Variants in SAMD3 observed in about 807,000 individuals in gnomAD.
SAMD3 encodes the protein sterile alpha motif domain-containing protein 3.
Under a neutral mutation model 58.5 loss-of-function variants are expected in SAMD3, and 63 were observed. The ratio of observed to expected loss-of-function variants is 1.08; its 90% CI spans 0.88 to 1.33. The LOEUF (loss-of-function observed/expected upper bound fraction) is 1.33. SAMD3 is among the 40% of genes most tolerant of loss of function. The pLI, the probability that SAMD3 is intolerant of heterozygous loss-of-function variation, is 0.00. For missense variants in SAMD3, 604 were observed against 608.4 expected (o/e 0.99, Z 0.08); for synonymous variants, 220 against 210.3 (o/e 1.05, Z -0.40).
chr6:130,312,453 C>T, intron 2 of SAMD3, among the ~76,000 whole-genome samples: 1 of 152,304 alleles, frequency 6.6e-6, no homozygotes, highest in East Asian at 1.9e-4. Flanking sequence ...TTAGAGTCCT[C>T]CTCAGCCAGA....
At chr6:130,152,065 C>T (rs565205852) in intron 9 of SAMD3, among the ~76,000 whole-genome samples, 23 of 152,228 alleles carry the variant, frequency 1.5e-4, no homozygotes, top group African/African-American at 5.3e-4. Context: ...GGTTAATGAG[C>T]ATGGAGGTGA....
At chr6:130,196,704 C>A (rs2114766282) in intron 5 of SAMD3, among the ~76,000 whole-genome samples, 2 of 150,806 alleles carry the variant, frequency 1.3e-5, no homozygotes, top group Non-Finnish European at 1.5e-5. Flanking sequence ...CCTCCCTTCC[C>A]TACACATCAA....
intron 5 of SAMD3, 113 bp downstream of exon 5, chr6:130,209,381 AG>A: frequency 5.6e-6 from 3 of 535,714 alleles, no homozygotes. Context: ...ATTCCCTTCC[AG>A]GAAAACAAAA....
chr6:130,332,013 A>C (rs1447512124), intron 1 of SAMD3, among the ~76,000 whole-genome samples: 9 of 152,172 alleles, frequency 5.9e-5, no homozygotes, highest in Admixed American at 3.9e-4. Context: ...AGTTTGTGAA[A>C]ATTTAAAAGT....
chr6:130,278,350 ACT>A (rs1774857494), intron 2 of SAMD3, among the ~76,000 whole-genome samples: 1 of 151,540 alleles, frequency 6.6e-6, no homozygotes, highest in Non-Finnish European at 1.5e-5. Flanking sequence ...TAATAATAAA[ACT>A]CCAGCCTCCT....
At chr6:130,164,170 A>T (rs1209212116) in intron 8 of SAMD3, among the ~76,000 whole-genome samples, 2 of 152,008 alleles carry the variant, frequency 1.3e-5, no homozygotes, top group Admixed American at 1.3e-4. Context: ...AATATTTCAC[A>T]TCAGAATGCG....
At chr6:130,304,473 C>T (rs1286573388) in intron 2 of SAMD3, among the ~76,000 whole-genome samples, 1 of 152,156 alleles carries the variant, frequency 6.6e-6, no homozygotes, top group African/African-American at 2.4e-5. Context: ...AATCAAGTTT[C>T]CATAAATGTA....
intron 7 of SAMD3, among the ~76,000 whole-genome samples, chr6:130,179,520 A>C (rs562624526): frequency 7.9e-5 from 12 of 151,888 alleles, no homozygotes; most frequent in Non-Finnish European, 1.3e-4. Context: ...CAGAATGTGG[A>C]CCGTCTTACA....
chr6:130,175,614 A>T (rs974890408), intron 8 of SAMD3: 1 of 358,894 alleles, frequency 2.8e-6, no homozygotes, highest in Non-Finnish European at 4.9e-6. Context: ...AGGTTGTGAA[A>T]AAAACTGGAC....
chr6:130,288,949 C>A (rs774290653), intron 2 of SAMD3, among the ~76,000 whole-genome samples: 2 of 152,204 alleles, frequency 1.3e-5, no homozygotes, highest in Non-Finnish European at 2.9e-5. Flanking sequence ...TGCTAGCAAA[C>A]ATCACCCTTT....
chr6:130,229,983 T>G (rs1796497331), intron 2 of SAMD3, among the ~76,000 whole-genome samples: 1 of 152,226 alleles, frequency 6.6e-6, no homozygotes. Context: ...TCATAATTCA[T>G]AAAACAATTA....
chr6:130,212,211 T>A (rs1395452482), intron 4 of SAMD3, among the ~76,000 whole-genome samples: 1 of 152,106 alleles, frequency 6.6e-6, no homozygotes, highest in Admixed American at 6.5e-5. Context: ...AGTGACAACA[T>A]ATAATAAATA....
intron 8 of SAMD3, among the ~76,000 whole-genome samples, chr6:130,156,847 T>A (rs1033769319): frequency 6.6e-6 from 1 of 152,040 alleles, no homozygotes; most frequent in East Asian, 1.9e-4. Context: ...GGCGGGTGGA[T>A]CACCTTAGGT....
intron 5 of SAMD3, among the ~76,000 whole-genome samples, chr6:130,203,735 C>A (rs1794840708): frequency 6.6e-6 from 1 of 152,206 alleles, no homozygotes; most frequent in African/African-American, 2.4e-5. Context: ...TCATACTTCC[C>A]CAACCCAGAG....
At chr6:130,154,713 AAAAAAATAT>A (rs57988345) in intron 9 of SAMD3, 103 bp downstream of exon 9, 11,219 of 109,730 alleles carry the variant, frequency 0.1, 302 homozygotes, top group South Asian at 0.17. Context: ...AAAAAAAAAA[AAAAAAATAT>A]ATATATATAT....
At chr6:130,242,896 G>A (rs13195744) in intron 2 of SAMD3, among the ~76,000 whole-genome samples, 1 of 152,202 alleles carries the variant, frequency 6.6e-6, no homozygotes, top group African/African-American at 2.4e-5. Context: ...CAGGTGAAGA[G>A]GGCAAGTCTT....
intron 7 of SAMD3, among the ~76,000 whole-genome samples, chr6:130,180,103 C>G (rs1321111498): frequency 6.6e-6 from 1 of 151,520 alleles, no homozygotes; most frequent in Non-Finnish European, 1.5e-5. Flanking sequence ...GCGTGAACCA[C>G]CGTACACGAC....
At chr6:130,142,786 A>G (rs999271206), downstream of SAMD3, 1 of 152,254 alleles carries the variant, frequency 6.6e-6, no homozygotes, top group African/African-American at 2.4e-5. Context: ...AGAGGCTGTC[A>G]TTCAACTTCA....
intron 5 of SAMD3, among the ~76,000 whole-genome samples, chr6:130,199,498 T>C (rs1932114): frequency 0.77 from 116,535 of 152,186 alleles, 45,050 homozygotes; most frequent in African/African-American, 0.85. Context: ...TATCCTAGGA[T>C]AGAAGATGTT....
Sources: allele counts gnomAD v4.1 joint callset (sites outside exome capture counted in the v4.1 genomes callset), GRCh38; gene constraint gnomAD v4.1.1; transcripts MANE v1.5; gene names NCBI Gene and HGNC (gene_info 2026-07-23, HGNC 2026-07-21).